The following PHF21A variants were observed in gnomAD, a reference collection of about 807,000 sequenced individuals.
PHF21A encodes BHC80a.
Under a neutral mutation model 82.5 loss-of-function variants are expected in PHF21A, and 11 were observed. The observed-to-expected ratio is 0.13, with a 90% CI of 0.08 to 0.22. The LOEUF is 0.22. Ranked by LOEUF, PHF21A falls within the 10% of genes least tolerant of loss-of-function variation. PHF21A has a pLI of 1.00. For missense variants in PHF21A, 579 were observed against 837.8 expected (o/e 0.69, Z 3.81); for synonymous variants, 297 against 302.8 (o/e 0.98, Z 0.20).
At chr11:46,006,504 G>A (rs2095298639) in intron 6 of PHF21A, among the ~76,000 whole-genome samples, 2 of 152,148 alleles carry the variant, frequency 1.3e-5, no homozygotes, top group South Asian at 2.1e-4. Context: ...AAATAACAAG[G>A]AGTCTAAAAG....
At chr11:46,032,505 T>TA (rs2095887057) in intron 6 of PHF21A, among the ~76,000 whole-genome samples, 1 of 152,118 alleles carries the variant, frequency 6.6e-6, no homozygotes. Context: ...CACTATTATT[T>TA]AAAAAAACTG....
intron 7 of PHF21A, among the ~76,000 whole-genome samples, chr11:45,974,151 A>G (rs554596559): frequency 6.6e-6 from 1 of 152,304 alleles, no homozygotes; most frequent in African/African-American, 2.4e-5. Context: ...TCTAGTATAC[A>G]GGCACAAGAC....
chr11:46,033,250 T>C (rs2095904705), intron 6 of PHF21A, among the ~76,000 whole-genome samples: 1 of 152,162 alleles, frequency 6.6e-6, no homozygotes, highest in East Asian at 1.9e-4. Context: ...ACTGATTCCA[T>C]TTTCTGTTGT....
intron 3 of PHF21A, among the ~76,000 whole-genome samples, chr11:46,088,326 T>A (rs1054338552): frequency 3.3e-5 from 5 of 152,154 alleles, no homozygotes; most frequent in African/African-American, 1.2e-4. Flanking sequence ...GCCACTTGCC[T>A]AGCCCAAAAT....
At chr11:46,023,016 G>A (rs1040658877) in intron 6 of PHF21A, among the ~76,000 whole-genome samples, 2 of 152,122 alleles carry the variant, frequency 1.3e-5, no homozygotes, top group African/African-American at 2.4e-5. Context: ...CTCCCAAAGC[G>A]CTGAGATTAT....
At position 45,933,374 on chromosome 11, in the gene PHF21A, G is replaced by A. The variant is rs2087937680; in HGVS notation, c.*594C>T. On this transcript the variant is annotated 3_prime_UTR_variant, in exon 19 of 19. Transcript: ENST00000676320. ...CCCTTGCACGAGGCCCCCGCCAGAGGTGATTAAATACTGCTTATTTGATAC... is the reference window on the plus strand; with the variant it reads ...CCCTTGCACGAGGCCCCCGCCAGAGATGATTAAATACTGCTTATTTGATAC... 6.5e-6 allele frequency: 1 copy of A among 152,676 alleles called. No homozygotes were observed. Among genetic ancestry groups the A allele is most frequent in the Non-Finnish European group, 1.5e-5 (1 of 68,096 alleles). The allele number at this position is 152,676 out of a possible 1,614,324, so 9.5% of individuals were successfully genotyped here. A position where few individuals can be genotyped will look rare whatever the true frequency, so the allele number is the denominator to read the frequency against.
chr11:45,996,050 C>T (rs2094896925), intron 6 of PHF21A, among the ~76,000 whole-genome samples: 1 of 151,984 alleles, frequency 6.6e-6, no homozygotes, highest in South Asian at 2.1e-4. Context: ...CTCAAGTGAT[C>T]CTCCCACCTC....
chr11:45,960,553 T>C (rs2093010543), intron 10 of PHF21A, among the ~76,000 whole-genome samples: 1 of 152,132 alleles, frequency 6.6e-6, no homozygotes, highest in Non-Finnish European at 1.5e-5. Flanking sequence ...GTTAAATAAT[T>C]GCTTAATGGA....
At chr11:46,042,875 G>A (rs1048921757) in intron 6 of PHF21A, among the ~76,000 whole-genome samples, 12 of 152,004 alleles carry the variant, frequency 7.9e-5, no homozygotes, top group African/African-American at 2.9e-4. Flanking sequence ...CTTGAACGTG[G>A]ACATCCCAGC....
intron 15 of PHF21A, among the ~76,000 whole-genome samples, chr11:45,941,751 G>A (rs920724541): frequency 1.3e-5 from 2 of 152,234 alleles, no homozygotes; most frequent in African/African-American, 4.8e-5. Context: ...CCAGACGGTA[G>A]GTAAGTTGAA....
chr11:45,936,462 T>C, intron 17 of PHF21A, 32 bp downstream of exon 17: 2 of 1,316,230 alleles, frequency 1.5e-6, no homozygotes, highest in South Asian at 2.6e-5. Flanking sequence ...AAGGGGAAGC[T>C]TACAAAAAAG....
At chr11:46,031,959 C>T (rs1353447174) in intron 6 of PHF21A, among the ~76,000 whole-genome samples, 1 of 152,170 alleles carries the variant, frequency 6.6e-6, no homozygotes, top group Non-Finnish European at 1.5e-5. Flanking sequence ...TTCCCCAATG[C>T]ACATCTTTTT....
intron 6 of PHF21A, among the ~76,000 whole-genome samples, chr11:46,037,591 C>T (rs556970015): frequency 4.8e-5 from 7 of 146,526 alleles, no homozygotes; most frequent in South Asian, 2.1e-4. Flanking sequence ...TGCGGTGAGC[C>T]GAGATCGTGC....
intron 11 of PHF21A, among the ~76,000 whole-genome samples, chr11:45,950,973 A>G (rs1198203442): frequency 6.6e-6 from 1 of 152,184 alleles, no homozygotes; most frequent in African/African-American, 2.4e-5. Flanking sequence ...ATGAACCTAA[A>G]AATTATGGAG....
chr11:45,995,051 C>T (rs1338597492), intron 6 of PHF21A, among the ~76,000 whole-genome samples: 2 of 152,176 alleles, frequency 1.3e-5, no homozygotes, highest in East Asian at 1.9e-4. Flanking sequence ...TGTACCTAAG[C>T]GTCCTAGAGT....
chr11:45,997,993 A>G (rs1049248023), intron 6 of PHF21A, among the ~76,000 whole-genome samples: 1 of 152,234 alleles, frequency 6.6e-6, no homozygotes, highest in Non-Finnish European at 1.5e-5. Context: ...GGAGGATGGC[A>G]GCACAGTTTT....
At chr11:46,100,871 T>C (rs1482535321) in intron 1 of PHF21A, among the ~76,000 whole-genome samples, 2 of 152,218 alleles carry the variant, frequency 1.3e-5, no homozygotes, top group Non-Finnish European at 2.9e-5. Flanking sequence ...AGCAAGTTTC[T>C]AACCACTGTT....
intron 1 of PHF21A, among the ~76,000 whole-genome samples, chr11:46,103,477 C>CT (rs2097121754): frequency 6.6e-6 from 1 of 152,112 alleles, no homozygotes; most frequent in African/African-American, 2.4e-5. Flanking sequence ...AAGTACACCA[C>CT]TTTATTTTTT....
chr11:46,037,825 G>A (rs1374142872), intron 6 of PHF21A, among the ~76,000 whole-genome samples: 1 of 151,730 alleles, frequency 6.6e-6, no homozygotes, highest in Non-Finnish European at 1.5e-5. Flanking sequence ...AAATTTTCTT[G>A]CTTGATGCTT....
Sources: gnomAD v4.1 joint callset for allele counts (sites outside exome capture counted in the v4.1 genomes callset) on GRCh38, gnomAD v4.1.1 for gene constraint, MANE v1.5 for transcripts, NCBI Gene and HGNC (gene_info 2026-07-23, HGNC 2026-07-21) for gene names.